Variants in FTCD observed in about 807,000 individuals in gnomAD.
FTCD encodes the protein formimidoyltransferase cyclodeaminase.
Under a neutral mutation model 62.9 loss-of-function variants are expected in FTCD, and 76 were observed. That is an observed-to-expected ratio of 1.21 (90% CI 1.00 to 1.46). The LOEUF (loss-of-function observed/expected upper bound fraction) is 1.46, where lower values mean the gene tolerates loss of function less well. Among genes scored for constraint, FTCD ranks in the 40% most tolerant of loss-of-function variants. The pLI, the probability that FTCD is intolerant of heterozygous loss-of-function variation, is 0.00. For missense variants in FTCD, 845 were observed against 751.3 expected (o/e 1.12, Z -1.46); for synonymous variants, 397 against 336.9 (o/e 1.18, Z -1.95).
chr21:46,153,475 G>A (rs1000429191), intron 2 of FTCD, among the ~76,000 whole-genome samples: 8 of 152,186 alleles, frequency 5.3e-5, no homozygotes, highest in Admixed American at 2.0e-4. Context: ...CCCTGAAGCC[G>A]AGAATCCACT....
chr21:46,145,988 G>GT, intron 8 of FTCD, 41 bp from the exon 9 acceptor site: 1 of 1,266,598 alleles, frequency 7.9e-7, no homozygotes, highest in Non-Finnish European at 1.1e-6. Context: ...GCCGGGGTTG[G>GT]TGGGGGGAGC....
chr21:46,139,585 A>G (rs1355989678), intron 10 of FTCD, among the ~76,000 whole-genome samples: 2 of 152,200 alleles, frequency 1.3e-5, no homozygotes, highest in Non-Finnish European at 2.9e-5. Context: ...ATCTTGGAAG[A>G]TTCAGCCAAC....
At position 46,138,531 on chromosome 21, in the gene FTCD, G is replaced by A. The variant is rs536554400; in HGVS notation, c.1420C>T (p.Leu474=). The A allele has an allele frequency of 4.7e-5, 75 of 1,586,764 alleles. No individual in the cohort carries two copies. In the South Asian group the frequency reaches 6.4e-4, roughly 14 times the overall value. The change falls in exon 12 of 14, where the codon CTG becomes TTG. Residue 474 remains leucine, a synonymous_variant. Coordinates refer to ENST00000397746, the MANE Select transcript of FTCD (RefSeq NM_206965.2). ...ACCTGGAGGTCTGACCGGCAGGCCA[G>A]GTTCCCACACCGGGCCAGTTCCTGC... ...ALQELARCGN[L]ACRSDLQVAA... is the part of the protein sequence containing the mutation.
At chr21:46,136,522 T>C, downstream of FTCD, 1 of 1,611,138 alleles carries the variant, frequency 6.2e-7, no homozygotes, top group Non-Finnish European at 8.5e-7. Flanking sequence ...CCAGGGCCCC[T>C]TTCCCTCAGA....
Position 46,151,677 on chromosome 21 carries a change from C to T in FTCD, c.517G>A (p.Ala173Thr), listed in dbSNP as rs1457012537. Residue 173 changes from alanine to threonine, a missense_variant, in exon 5 of 14, where the codon GCC (alanine) becomes ACC (threonine). Ala to Thr is a moderately conservative substitution (Grantham distance 58). Coordinates refer to ENST00000397746, the MANE Select transcript of FTCD (RefSeq NM_206965.2). ...GPSSFVPSWG[A>T]TATGARKFLI... Reference sequence around the variant, plus strand: ...AACTTCCTCGCCCCCGTGGCCGTGGCCCCCCAACTGGGGACAAAGGAGCTG... The same window carrying T: ...AACTTCCTCGCCCCCGTGGCCGTGGTCCCCCAACTGGGGACAAAGGAGCTG... 2.5e-6 allele frequency: 4 copies of T among 1,612,794 alleles called. No homozygotes were observed. Among genetic ancestry groups the T allele is most frequent in the Non-Finnish European group, 2.5e-6 (3 of 1,179,884 alleles).
At chr21:46,149,859 G>A (rs1036839187) in intron 7 of FTCD, among the ~76,000 whole-genome samples, 2 of 152,324 alleles carry the variant, frequency 1.3e-5, no homozygotes, top group East Asian at 3.9e-4. Context: ...GAGCATGGCC[G>A]GCCCAGGAGG....
At chr21:46,145,392 G>T (rs2079115356) in intron 10 of FTCD, 25 bp downstream of exon 10, 5 of 1,523,886 alleles carry the variant, frequency 3.3e-6, no homozygotes, top group Non-Finnish European at 4.4e-6. Context: ...GGGGCCCGGG[G>T]AGCCCTGCTG....
chr21:46,139,728 T>C (rs145310150), intron 10 of FTCD, among the ~76,000 whole-genome samples: 4 of 152,358 alleles, frequency 2.6e-5, no homozygotes, highest in East Asian at 3.9e-4. Context: ...AAATGCCCAG[T>C]GTCTCCCTGA....
chr21:46,138,952 G>A (rs199833307), intron 10 of FTCD, 29 bp from the exon 11 acceptor site: 241 of 1,589,550 alleles, frequency 1.5e-4, no homozygotes, highest in Non-Finnish European at 1.7e-4. Flanking sequence ...ACCACTGGGC[G>A]AGGGACCGTA....
rs2078924923 is a variant in FTCD, at chr21:46,138,636, C to T, written c.1315G>A (p.Ala439Thr). 1 of 1,594,502 alleles carries T rather than the reference C, an allele frequency of 6.3e-7. No individual in the cohort carries two copies. Among genetic ancestry groups the T allele is most frequent in the South Asian group, 1.1e-5 (1 of 90,216 alleles). ...TPEEKDRRTA[A>T]LQEGLRRAVS... ...GCCCGCCTCAGACCCTCCTGTAGGG[C>T]CGCCGTGCGCCTGAAAGGAGCAAGA... is the stretch of plus-strand genomic sequence containing the variant. Residue 439 changes from alanine to threonine, a missense_variant, in exon 12 of 14, where the codon GCC (alanine) becomes ACC (threonine). Ala to Thr is a moderately conservative substitution (Grantham distance 58). Coordinates refer to ENST00000397746, the MANE Select transcript of FTCD (RefSeq NM_206965.2).
chr21:46,140,483 C>T (rs899406267), intron 10 of FTCD, among the ~76,000 whole-genome samples: 1 of 144,142 alleles, frequency 6.9e-6, no homozygotes, highest in East Asian at 2.1e-4. Context: ...TCACATTGTT[C>T]GCAGGGAATG....
Position 46,138,555 on chromosome 21 carries a change from G to A in FTCD, c.1396C>T (p.Gln466Ter). 2 of 1,587,094 alleles carry A rather than the reference G, an allele frequency of 1.3e-6. No individual in the cohort carries two copies. Among genetic ancestry groups the A allele is most frequent in the South Asian group, 1.1e-5 (1 of 88,722 alleles). ...AGGTTCCCACACCGGGCCAGTTCCT[G>A]CAGGGCCGGCCACAGCGAGGCCACC... ...ETVASLWPAL[Q>*]ELARCGNLAC... is the part of the protein sequence containing the mutation. Residue 466 changes from glutamine (Q) to a stop codon, truncating the protein, a stop_gained, in exon 12 of 14, where the codon CAG (glutamine) becomes TAG (stop). Transcript: ENST00000397746. LOFTEE classifies it high-confidence loss of function.
intron 1 of FTCD, among the ~76,000 whole-genome samples, chr21:46,154,906 G>A (rs2079394142): frequency 6.6e-6 from 1 of 152,196 alleles, no homozygotes; most frequent in African/African-American, 2.4e-5. Flanking sequence ...CCTTCCAGGT[G>A]GCCCTTAGGG....
intron 12 of FTCD, 104 bp downstream of exon 12, chr21:46,138,404 T>C: frequency 8.6e-7 from 1 of 1,160,656 alleles, no homozygotes; most frequent in Non-Finnish European, 1.2e-6. Context: ...GAGGTCTCCC[T>C]ACCTGGCTCA....
In FTCD at chr21:46,150,473, T is replaced by C; in HGVS notation, c.689A>G (p.Asn230Ser). The C allele has an allele frequency of 6.2e-7, 1 of 1,613,152 alleles. No homozygotes were observed. Residue 230 changes from asparagine to serine, a missense_variant, in exon 6 of 14, where the codon AAC becomes AGC. Coordinates refer to ENST00000397746, the MANE Select transcript of FTCD (RefSeq NM_206965.2). Reference protein sequence around the residue: ...QGIGWYLDEKNLAQVSTNLLD... With the variant: ...QGIGWYLDEKSLAQVSTNLLD... ...AAGATTGGTGGACACCTGAGCCAGGTTCTTCTCATCCAGGTACCAGCCAAT... is the reference window on the plus strand; with the variant it reads ...AAGATTGGTGGACACCTGAGCCAGGCTCTTCTCATCCAGGTACCAGCCAAT...
intron 10 of FTCD, among the ~76,000 whole-genome samples, chr21:46,141,095 CTTATT>C (rs1425473010): frequency 2.0e-5 from 3 of 152,158 alleles, no homozygotes; most frequent in East Asian, 1.9e-4. Flanking sequence ...AATTATTCAC[CTTATT>C]TTAAATTTCT....
chr21:46,139,992 T>C (rs2078959416), intron 10 of FTCD, among the ~76,000 whole-genome samples: 1 of 152,240 alleles, frequency 6.6e-6, no homozygotes, highest in African/African-American at 2.4e-5. Flanking sequence ...TCCGTTTTGT[T>C]TTCTGTGATT....
At chr21:46,145,658 T>G in intron 9 of FTCD, 80 bp from the exon 10 acceptor site, 1 of 1,004,864 alleles carries the variant, frequency 1.0e-6, no homozygotes, top group Non-Finnish European at 1.3e-6. Flanking sequence ...GGGGCCCGGG[T>G]GATCCCTGCG....
At chr21:46,148,131 ATACTT>A in intron 7 of FTCD, among the ~76,000 whole-genome samples, 1 of 152,138 alleles carries the variant, frequency 6.6e-6, no homozygotes, top group Non-Finnish European at 1.5e-5. Flanking sequence ...TACCTACTCA[ATACTT>A]TAAACACCTT....
Sources: allele counts gnomAD v4.1 joint callset (sites outside exome capture counted in the v4.1 genomes callset), GRCh38; gene constraint gnomAD v4.1.1; transcripts MANE v1.5; gene names NCBI Gene and HGNC (gene_info 2026-07-23, HGNC 2026-07-21).